CCDC7: variants seen among roughly 807,000 people sequenced by gnomAD.
CCDC7 encodes the protein coiled-coil domain containing 7, also known as coiled-coil domain-containing protein 7.
In CCDC7, 183 loss-of-function variants were observed where a neutral mutation model predicts 196.9. The ratio of observed to expected loss-of-function variants is 0.93; its 90% confidence interval spans 0.82 to 1.05. The LOEUF (loss-of-function observed/expected upper bound fraction) is 1.05, where lower values mean the gene tolerates loss of function less well. CCDC7 is among the 50% of genes least tolerant of loss of function. The probability of loss-of-function intolerance (pLI) is 0.00; values close to 1 mark genes in which losing one functional copy is unlikely to be tolerated. For missense variants in CCDC7, 1,540 were observed against 1,482.2 expected, an observed-to-expected ratio of 1.04 and a Z score of -0.64; for synonymous variants, 525 against 484.6, an observed-to-expected ratio of 1.08 and a Z score of -1.10.
chr10:32,488,110 C>T (rs1170106221), intron 8 of CCDC7, among the ~76,000 whole-genome samples: 1 of 152,186 alleles, frequency 6.6e-6, no homozygotes, highest in Non-Finnish European at 1.5e-5. Context: ...AGACAGGCCT[C>T]CTTGAGCTGT....
At chr10:32,454,422 G>A (rs1180627425) in intron 2 of CCDC7, among the ~76,000 whole-genome samples, 3 of 152,090 alleles carry the variant, frequency 2.0e-5, no homozygotes, top group Non-Finnish European at 4.4e-5. Context: ...ATGACTAGAG[G>A]TGGGAGGGAG....
intron 11 of CCDC7, among the ~76,000 whole-genome samples, chr10:32,524,245 A>G (rs2048336472): frequency 6.6e-6 from 1 of 152,150 alleles, no homozygotes; most frequent in Non-Finnish European, 1.5e-5. Flanking sequence ...TGATTGCATG[A>G]ACAGAATACA....
chr10:32,766,029 C>G (rs12359072), intron 28 of CCDC7, among the ~76,000 whole-genome samples: 20,695 of 151,622 alleles, frequency 0.14, 1,762 homozygotes, highest in East Asian at 0.25. Context: ...TACAAGATAT[C>G]ATACTTGTTT....
At chr10:32,478,364 G>A (rs2039378906) in intron 8 of CCDC7, among the ~76,000 whole-genome samples, 1 of 152,086 alleles carries the variant, frequency 6.6e-6, no homozygotes, top group Admixed American at 6.5e-5. Context: ...TGGTAAAAAT[G>A]GGCATGCTTG....
intron 21 of CCDC7, among the ~76,000 whole-genome samples, chr10:32,682,358 A>G (rs1591545325): frequency 6.6e-6 from 1 of 152,300 alleles, no homozygotes; most frequent in South Asian, 2.1e-4. Context: ...GATACAATTT[A>G]TGGTGTACAT....
chr10:32,543,186 C>T (rs989713926), intron 11 of CCDC7, 114 bp from the exon 13 acceptor site: 17 of 1,035,192 alleles, frequency 1.6e-5, no homozygotes, highest in South Asian at 7.3e-5. Context: ...TTTCCTGAAA[C>T]GTTGTATAGT....
At chr10:32,606,232 G>A (rs761159471) in intron 18 of CCDC7, among the ~76,000 whole-genome samples, 2 of 152,222 alleles carry the variant, frequency 1.3e-5, no homozygotes, top group Admixed American at 6.5e-5. Flanking sequence ...AGTAAAGGAG[G>A]CTTGGCAGCC....
chr10:32,667,827 G>C (rs1355261919), intron 21 of CCDC7, among the ~76,000 whole-genome samples: 1 of 152,174 alleles, frequency 6.6e-6, no homozygotes, highest in East Asian at 1.9e-4. Context: ...TGTTCTTTTG[G>C]CTTAGGATTG....
At chr10:32,494,784 C>T (rs2042661144) in intron 9 of CCDC7, among the ~76,000 whole-genome samples, 3 of 152,148 alleles carry the variant, frequency 2.0e-5, no homozygotes, top group Non-Finnish European at 4.4e-5. Flanking sequence ...TTTGCTTTAT[C>T]CAGTGTATCA....
At chr10:32,653,957 T>A (rs987915590) in intron 20 of CCDC7, among the ~76,000 whole-genome samples, 4 of 152,236 alleles carry the variant, frequency 2.6e-5, no homozygotes, top group Non-Finnish European at 4.4e-5. Flanking sequence ...ATTATGTGTA[T>A]GTTGGTACAC....
intron 32 of CCDC7, among the ~76,000 whole-genome samples, chr10:32,832,982 G>T (rs2092328153): frequency 6.6e-6 from 1 of 151,942 alleles, no homozygotes; most frequent in Non-Finnish European, 1.5e-5. Flanking sequence ...ACAATAGATG[G>T]TAACTCAAAT....
chr10:32,482,374 G>A, intron 8 of CCDC7, among the ~76,000 whole-genome samples: 1 of 142,554 alleles, frequency 7.0e-6, no homozygotes. Flanking sequence ...TTTCCTAACT[G>A]TATATTTTCA....
chr10:32,722,972 C>G (rs549687531), intron 25 of CCDC7, among the ~76,000 whole-genome samples: 64 of 152,232 alleles, frequency 4.2e-4, no homozygotes, highest in African/African-American at 1.5e-3. Context: ...GTTTTGAAAG[C>G]TGAGACATCG....
chr10:32,858,323 CAAAG>C (rs1312596803), intron 41 of CCDC7, among the ~76,000 whole-genome samples: 1 of 152,108 alleles, frequency 6.6e-6, no homozygotes, highest in Non-Finnish European at 1.5e-5. Flanking sequence ...AGACGTAAGC[CAAAG>C]AAAGACACCA....
chr10:32,664,018 TTA>T (rs1431431116), intron 20 of CCDC7, 34 bp from the exon 22 acceptor site: 2 of 393,926 alleles, frequency 5.1e-6, no homozygotes, highest in African/African-American at 4.1e-5. Context: ...TCACTATAGT[TTA>T]TGTTTAGTGC....
At chr10:32,795,163 T>C (rs2083346726) in intron 29 of CCDC7, among the ~76,000 whole-genome samples, 1 of 152,238 alleles carries the variant, frequency 6.6e-6, no homozygotes, top group Non-Finnish European at 1.5e-5. Context: ...AAACTTTGCA[T>C]TCCTTTTTCT....
chr10:32,746,884 C>T (rs1159238614), intron 28 of CCDC7, among the ~76,000 whole-genome samples: 1 of 152,246 alleles, frequency 6.6e-6, no homozygotes, highest in Non-Finnish European at 1.5e-5. Flanking sequence ...ACACAAGGAC[C>T]CCATAGCACC....
At chr10:32,495,528 TACG>T (rs754909851) in intron 9 of CCDC7, among the ~76,000 whole-genome samples, 3 of 152,182 alleles carry the variant, frequency 2.0e-5, no homozygotes, top group Non-Finnish European at 4.4e-5. Flanking sequence ...TTTTAGGTCT[TACG>T]TTTAAGTGTC....
At chr10:32,766,036 G>C (rs1046859943) in intron 28 of CCDC7, among the ~76,000 whole-genome samples, 2 of 151,952 alleles carry the variant, frequency 1.3e-5, no homozygotes, top group Admixed American at 6.6e-5. Flanking sequence ...TATCATACTT[G>C]TTTATTATAT....
Sources: allele counts gnomAD v4.1 joint callset (sites outside exome capture counted in the v4.1 genomes callset), GRCh38; gene constraint gnomAD v4.1.1; transcripts MANE v1.5; gene names NCBI Gene and HGNC (gene_info 2026-07-23, HGNC 2026-07-21).